BCKDHB: variants seen among roughly 807,000 people sequenced by gnomAD.
BCKDHB encodes 2-oxoisovalerate dehydrogenase subunit beta, mitochondrial.
In BCKDHB, 41 loss-of-function variants were observed where a neutral mutation model predicts 48.5. The ratio of observed to expected loss-of-function variants is 0.85; its 90% CI spans 0.66 to 1.10. BCKDHB has a LOEUF of 1.10. Among genes scored for constraint, BCKDHB ranks in the 50% least tolerant of loss-of-function variants. BCKDHB has a pLI of 0.00. For synonymous variants in BCKDHB, 201 were observed against 174.8 expected, an observed-to-expected ratio of 1.15 and a Z score of -1.18; for missense variants, 496 against 494.2, an observed-to-expected ratio of 1.00 and a Z score of -0.03.
intron 8 of BCKDHB, among the ~76,000 whole-genome samples, chr6:80,217,863 G>A (rs1450230947): frequency 6.6e-6 from 1 of 152,188 alleles, no homozygotes; most frequent in African/African-American, 2.4e-5. Flanking sequence ...AGCGAAGAAG[G>A]GTTTTTAACC....
At chr6:80,423,051 G>A in the BCKDHB span, among the ~76,000 whole-genome samples, 1 of 152,134 alleles carries the variant, frequency 6.6e-6, no homozygotes. Context: ...TAATCCAATT[G>A]TAATCCCCAC....
intron 6 of BCKDHB, among the ~76,000 whole-genome samples, chr6:80,196,144 C>T (rs1326084078): frequency 6.6e-6 from 1 of 152,028 alleles, no homozygotes; most frequent in Non-Finnish European, 1.5e-5. Context: ...ATGCTTTCTG[C>T]ACAAGTTATT....
At chr6:80,119,903 A>G (rs1406382023) in intron 1 of BCKDHB, among the ~76,000 whole-genome samples, 1 of 151,780 alleles carries the variant, frequency 6.6e-6, no homozygotes, top group African/African-American at 2.4e-5. Context: ...TCTAGGGTAC[A>G]TGTACACAAC....
chr6:80,387,561 C>T, the BCKDHB span, among the ~76,000 whole-genome samples: 1 of 152,196 alleles, frequency 6.6e-6, no homozygotes, highest in South Asian at 2.1e-4. Flanking sequence ...TAAGTGGTGA[C>T]TCCAATTGCA....
chr6:80,403,410 C>G, the BCKDHB span, among the ~76,000 whole-genome samples: 2 of 151,810 alleles, frequency 1.3e-5, no homozygotes, highest in Non-Finnish European at 2.9e-5. Flanking sequence ...AGAATCATAA[C>G]TGATTTTTGT....
chr6:80,297,075 A>G (rs1472279896), intron 9 of BCKDHB, among the ~76,000 whole-genome samples: 1 of 152,172 alleles, frequency 6.6e-6, no homozygotes, highest in Non-Finnish European at 1.5e-5. Context: ...AGTCTAGGAC[A>G]ATGGACAGAA....
chr6:80,390,333 A>AG, the BCKDHB span, among the ~76,000 whole-genome samples: 1 of 150,204 alleles, frequency 6.7e-6, no homozygotes, highest in Admixed American at 6.6e-5. Flanking sequence ...CAGGAAAAAA[A>AG]CTCGACCTAC....
the BCKDHB span, among the ~76,000 whole-genome samples, chr6:80,413,751 A>C: frequency 6.6e-6 from 1 of 152,242 alleles, no homozygotes; most frequent in South Asian, 2.1e-4. Flanking sequence ...ATGGTGCTGC[A>C]ATAAACATAT....
At chr6:80,150,365 T>C (rs1327829943) in intron 3 of BCKDHB, among the ~76,000 whole-genome samples, 1 of 152,026 alleles carries the variant, frequency 6.6e-6, no homozygotes, top group African/African-American at 2.4e-5. Flanking sequence ...CAAAGATTGG[T>C]TGAATGAATG....
intron 8 of BCKDHB, among the ~76,000 whole-genome samples, chr6:80,208,454 A>G (rs764442): frequency 0.081 from 12,269 of 151,832 alleles, 576 homozygotes; most frequent in South Asian, 0.099. Context: ...AAGTAGAAGA[A>G]ATGAAGTAAT....
At chr6:80,260,100 A>C (rs1271913716) in intron 8 of BCKDHB, among the ~76,000 whole-genome samples, 3 of 151,876 alleles carry the variant, frequency 2.0e-5, no homozygotes, top group Non-Finnish European at 4.4e-5. Flanking sequence ...CTTCCTCTTC[A>C]TACCTGTTGA....
At chr6:80,420,144 A>G in the BCKDHB span, among the ~76,000 whole-genome samples, 27 of 151,980 alleles carry the variant, frequency 1.8e-4, no homozygotes, top group South Asian at 1.7e-3. Flanking sequence ...ACAATTTTTG[A>G]TCTCCAATTT....
At chr6:80,373,910 T>C in the BCKDHB span, 1 of 417,784 alleles carries the variant, frequency 2.4e-6, no homozygotes. Flanking sequence ...ATGTGTCAGG[T>C]GAGTCTCTTG....
At chr6:80,461,161 T>C in the BCKDHB span, among the ~76,000 whole-genome samples, 11 of 152,180 alleles carry the variant, frequency 7.2e-5, no homozygotes, top group African/African-American at 2.4e-4. Context: ...TAGATTTTTT[T>C]ACTTGGATGT....
chr6:80,405,101 G>C, the BCKDHB span, among the ~76,000 whole-genome samples: 2 of 151,980 alleles, frequency 1.3e-5, no homozygotes, highest in South Asian at 2.1e-4. Flanking sequence ...TTGATTTTCT[G>C]TCTGGATGAT....
At chr6:80,137,501 G>A (rs74833128) in intron 3 of BCKDHB, among the ~76,000 whole-genome samples, 10,978 of 152,174 alleles carry the variant, frequency 0.072, 490 homozygotes, top group South Asian at 0.099. Context: ...CAGTCCTTCC[G>A]CCTCTCACAG....
intron 9 of BCKDHB, among the ~76,000 whole-genome samples, chr6:80,329,166 G>A (rs1769198002): frequency 6.6e-6 from 1 of 152,190 alleles, no homozygotes; most frequent in Non-Finnish European, 1.5e-5. Flanking sequence ...AAACTACAGT[G>A]ACTAACTTCT....
At chr6:80,176,450 A>T (rs897612900) in intron 6 of BCKDHB, among the ~76,000 whole-genome samples, 1 of 152,082 alleles carries the variant, frequency 6.6e-6, no homozygotes, top group Non-Finnish European at 1.5e-5. Flanking sequence ...CTTTTCTTTG[A>T]TGATTCCATG....
chr6:80,390,303 G>A, the BCKDHB span, among the ~76,000 whole-genome samples: 1 of 114,316 alleles, frequency 8.7e-6, no homozygotes, highest in Non-Finnish European at 1.8e-5. Flanking sequence ...CTTTAGGAAT[G>A]AAGGTTTGGG....
Sources: allele counts gnomAD v4.1 joint callset (sites outside exome capture counted in the v4.1 genomes callset), GRCh38; gene constraint gnomAD v4.1.1; transcripts MANE v1.5; gene names NCBI Gene and HGNC (gene_info 2026-07-23, HGNC 2026-07-21).